NRXN1: variants seen among roughly 807,000 people sequenced by gnomAD.
NRXN1 encodes neurexin-1.
A neutral mutation model predicts 150.9 loss-of-function variants in NRXN1; 39 were observed. The ratio of observed to expected loss-of-function variants is 0.26; its 90% CI spans 0.20 to 0.34. NRXN1 has a LOEUF of 0.34. Ranked by LOEUF, NRXN1 falls within the 10% of genes least tolerant of loss-of-function variation. The pLI is 1.00. For missense variants in NRXN1, 1,815 were observed against 1,949.9 expected (o/e 0.93, Z 1.30); for synonymous variants, 924 against 757.0 (o/e 1.22, Z -3.62).
intron 17 of NRXN1, among the ~76,000 whole-genome samples, chr2:50,349,660 T>C (rs576218887): frequency 1.3e-5 from 2 of 152,334 alleles, no homozygotes; most frequent in East Asian, 3.9e-4. Flanking sequence ...CTATCTTTCC[T>C]AACAATCCCA....
At chr2:51,015,173 C>T (rs2105227717) in intron 2 of NRXN1, among the ~76,000 whole-genome samples, 1 of 152,114 alleles carries the variant, frequency 6.6e-6, no homozygotes. Context: ...TTCTCTGTGT[C>T]TGTCTGTCTC....
At chr2:50,553,954 GAGA>G (rs1282429850) in intron 8 of NRXN1, among the ~76,000 whole-genome samples, 2 of 152,144 alleles carry the variant, frequency 1.3e-5, no homozygotes, top group African/African-American at 4.8e-5. Flanking sequence ...AGGATAAAGA[GAGA>G]AGGACACCTT....
At chr2:50,126,527 T>C (rs553034217) in intron 18 of NRXN1, among the ~76,000 whole-genome samples, 1 of 152,236 alleles carries the variant, frequency 6.6e-6, no homozygotes, top group Non-Finnish European at 1.5e-5. Flanking sequence ...AAGTAAGATA[T>C]AATAGAAGCA....
intron 18 of NRXN1, among the ~76,000 whole-genome samples, chr2:50,116,904 C>A (rs1703148946): frequency 6.6e-6 from 1 of 152,084 alleles, no homozygotes; most frequent in African/African-American, 2.4e-5. Flanking sequence ...ATGCGACCAA[C>A]TAAAAATGAC....
At chr2:50,770,740 T>C (rs976266284) in intron 5 of NRXN1, among the ~76,000 whole-genome samples, 2 of 152,062 alleles carry the variant, frequency 1.3e-5, no homozygotes, top group Admixed American at 6.6e-5. Context: ...CCATTCTTCA[T>C]AGATAAATGC....
intron 17 of NRXN1, among the ~76,000 whole-genome samples, chr2:50,290,445 T>C (rs1034696196): frequency 2.0e-5 from 3 of 152,210 alleles, no homozygotes; most frequent in Admixed American, 2.0e-4. Flanking sequence ...TGTGGTTCCT[T>C]GATACAAGTC....
chr2:50,272,606 TA>T (rs984829931), intron 17 of NRXN1, among the ~76,000 whole-genome samples: 2 of 152,024 alleles, frequency 1.3e-5, no homozygotes, highest in Admixed American at 1.3e-4. Context: ...AAAAGTAGAC[TA>T]AAAGCAGGAA....
At chr2:49,968,966 T>A (rs1024970158) in intron 21 of NRXN1, among the ~76,000 whole-genome samples, 1 of 152,058 alleles carries the variant, frequency 6.6e-6, no homozygotes, top group Non-Finnish European at 1.5e-5. Context: ...CAGTACATAT[T>A]TTAACAGATC....
chr2:50,224,717 G>GAC (rs1333185430), intron 18 of NRXN1, among the ~76,000 whole-genome samples: 1 of 150,814 alleles, frequency 6.6e-6, no homozygotes, highest in Non-Finnish European at 1.5e-5. Context: ...GAGAGAGAGA[G>GAC]AGAGAGAGAG....
intron 21 of NRXN1, among the ~76,000 whole-genome samples, chr2:50,009,882 G>A (rs1006690903): frequency 1.1e-4 from 16 of 152,024 alleles, no homozygotes; most frequent in Admixed American, 1.0e-3. Flanking sequence ...CTAGAATTAT[G>A]GCTGAAATTT....
At chr2:50,496,131 C>T in intron 14 of NRXN1, 36 bp from the exon 15 acceptor site, 2 of 1,521,306 alleles carry the variant, frequency 1.3e-6, no homozygotes, top group Non-Finnish European at 1.8e-6. Flanking sequence ...AGTGCCATCA[C>T]TTTTTAAATT....
chr2:50,766,267 G>C (rs1440815259), intron 5 of NRXN1, among the ~76,000 whole-genome samples: 1 of 151,962 alleles, frequency 6.6e-6, no homozygotes, highest in African/African-American at 2.4e-5. Context: ...TATGGTCTGA[G>C]GTGTCACTTA....
chr2:50,536,171 C>A (rs567670587), intron 10 of NRXN1, among the ~76,000 whole-genome samples: 1 of 152,262 alleles, frequency 6.6e-6, no homozygotes, highest in South Asian at 2.1e-4. Context: ...ACAACCATCA[C>A]ACATTTCCTT....
intron 12 of NRXN1, among the ~76,000 whole-genome samples, chr2:50,525,473 G>C (rs2092925585): frequency 6.6e-6 from 1 of 152,180 alleles, no homozygotes; most frequent in Non-Finnish European, 1.5e-5. Flanking sequence ...GGACAGAGGA[G>C]AGTGGTGAGC....
chr2:50,473,628 C>T (rs10165207), intron 15 of NRXN1, among the ~76,000 whole-genome samples: 10,039 of 151,984 alleles, frequency 0.066, 1,127 homozygotes, highest in African/African-American at 0.23. Context: ...TTCTATTCAA[C>T]TTGATGTCAC....
chr2:50,635,522 C>G (rs1683108785), intron 5 of NRXN1, among the ~76,000 whole-genome samples: 1 of 152,048 alleles, frequency 6.6e-6, no homozygotes, highest in Non-Finnish European at 1.5e-5. Context: ...TCCTCTTCTT[C>G]CCTCCTCAGA....
chr2:50,300,517 A>G (rs2074049363), intron 17 of NRXN1, among the ~76,000 whole-genome samples: 1 of 152,144 alleles, frequency 6.6e-6, no homozygotes, highest in South Asian at 2.1e-4. Flanking sequence ...TCTAGGCAGA[A>G]TTCTGAGCTG....
chr2:50,215,710 T>G (rs2063348100), intron 18 of NRXN1, among the ~76,000 whole-genome samples: 2 of 152,120 alleles, frequency 1.3e-5, no homozygotes, highest in South Asian at 4.1e-4. Flanking sequence ...AAATAAGACA[T>G]CATGATATTA....
chr2:50,036,325 C>G (rs1690028972), intron 21 of NRXN1, among the ~76,000 whole-genome samples: 1 of 152,080 alleles, frequency 6.6e-6, no homozygotes, highest in African/African-American at 2.4e-5. Flanking sequence ...TTCCCCTTTG[C>G]CTTTCACCAT....
Sources: gnomAD v4.1 joint callset for allele counts (sites outside exome capture counted in the v4.1 genomes callset) on GRCh38, gnomAD v4.1.1 for gene constraint, MANE v1.5 for transcripts, NCBI Gene and HGNC (gene_info 2026-07-23, HGNC 2026-07-21) for gene names.